Variants in STK3 observed in about 807,000 individuals in gnomAD.
The protein encoded by STK3 is serine/threonine kinase 3.
STK3 carries 41 observed loss-of-function variants against 58.0 expected under a neutral mutation model. That is an observed-to-expected ratio of 0.71 (90% CI 0.55 to 0.92). The LOEUF (loss-of-function observed/expected upper bound fraction) is 0.92. Ranked by LOEUF, STK3 falls within the 40% of genes least tolerant of loss-of-function variation. The pLI, the probability that STK3 is intolerant of heterozygous loss-of-function variation, is 0.00. For synonymous variants in STK3, 170 were observed against 191.0 expected (o/e 0.89, Z 0.91); for missense variants, 479 against 602.7 (o/e 0.79, Z 2.15).
chr8:98,398,884 C>G (rs887189447), downstream of STK3, among the ~76,000 whole-genome samples: 11 of 152,192 alleles, frequency 7.2e-5, no homozygotes, highest in Non-Finnish European at 1.0e-4. Flanking sequence ...AGCGTTAAAT[C>G]CCGTGAGTTC....
chr8:98,713,695 G>C (rs185775421), intron 4 of STK3, among the ~76,000 whole-genome samples: 1 of 152,116 alleles, frequency 6.6e-6, no homozygotes, highest in Non-Finnish European at 1.5e-5. Context: ...TTCTACCAGA[G>C]GTACAAGGAG....
chr8:98,368,687 C>A (rs1385374031), downstream of STK3, among the ~76,000 whole-genome samples: 1 of 152,186 alleles, frequency 6.6e-6, no homozygotes, highest in Non-Finnish European at 1.5e-5. Context: ...AATGTAACAG[C>A]AAAGGAACTC....
At chr8:98,597,229 C>A (rs1815904672) in intron 6 of STK3, 1 of 952,986 alleles carries the variant, frequency 1.0e-6, no homozygotes, top group Non-Finnish European at 1.2e-6. Flanking sequence ...TAATATAATG[C>A]ATTATCATTG....
At chr8:98,516,388 TA>T (rs1462056394) in intron 10 of STK3, among the ~76,000 whole-genome samples, 5 of 152,096 alleles carry the variant, frequency 3.3e-5, no homozygotes, top group African/African-American at 1.2e-4. Context: ...GAGCTGCTAC[TA>T]AATGATGACT....
chr8:98,795,733 T>C (rs952185770), intron 1 of STK3, among the ~76,000 whole-genome samples: 2 of 152,080 alleles, frequency 1.3e-5, no homozygotes, highest in Non-Finnish European at 2.9e-5. Context: ...AGCATTTCTA[T>C]ACACCAGTAA....
downstream of STK3, among the ~76,000 whole-genome samples, chr8:98,366,819 C>T (rs537993051): frequency 2.0e-5 from 3 of 152,292 alleles, no homozygotes; most frequent in Non-Finnish European, 2.9e-5. Flanking sequence ...GCCCCACACA[C>T]GTCTACTAGA....
chr8:98,676,239 C>T (rs1046720463), intron 6 of STK3, among the ~76,000 whole-genome samples: 5 of 152,142 alleles, frequency 3.3e-5, no homozygotes, highest in Admixed American at 2.0e-4. Context: ...TTTTAACAGG[C>T]ATGGAGTTTC....
chr8:98,459,480 C>G (rs75807055), intron 10 of STK3, among the ~76,000 whole-genome samples: 3,654 of 152,272 alleles, frequency 0.024, 137 homozygotes, highest in African/African-American at 0.082. Flanking sequence ...AAAGAAAAAC[C>G]TGTTTTCTGG....
intron 4 of STK3, among the ~76,000 whole-genome samples, chr8:98,724,576 T>C (rs1827668024): frequency 6.6e-6 from 1 of 152,126 alleles, no homozygotes; most frequent in Non-Finnish European, 1.5e-5. Context: ...TATCTGAACT[T>C]TTAGGAAGAA....
intron 4 of STK3, among the ~76,000 whole-genome samples, chr8:98,715,764 C>T (rs1313608951): frequency 6.6e-6 from 1 of 152,164 alleles, no homozygotes; most frequent in Non-Finnish European, 1.5e-5. Flanking sequence ...CCATTTGACC[C>T]AGCCATCCCA....
intron 4 of STK3, among the ~76,000 whole-genome samples, chr8:98,739,002 CTG>C (rs1177193489): frequency 6.6e-6 from 1 of 152,244 alleles, no homozygotes; most frequent in East Asian, 1.9e-4. Flanking sequence ...GCACAGCAGT[CTG>C]AGATCAAACT....
At chr8:98,773,925 T>C (rs1831494948) in intron 2 of STK3, among the ~76,000 whole-genome samples, 1 of 152,122 alleles carries the variant, frequency 6.6e-6, no homozygotes, top group East Asian at 1.9e-4. Context: ...GCTTCCCGAA[T>C]AGCTGGGATT....
rs534390089 is a variant in STK3, at chr8:98,865,219, G to C, written c.110+18428C>G. ...CAGACAGGGCAACATAGTAAGACCT[G>C]TCTCTACAAAAACTTTCTTAACAAT... On this transcript the variant is annotated intron_variant, in intron 3 of 12. Transcript: ENST00000523601. 3.3e-5 allele frequency among the ~76,000 whole-genome samples: 5 copies of C among 152,292 alleles called. No individual in the cohort carries two copies. The East Asian group carries it at 9.6e-4, about 29-fold the overall frequency.
intron 2 of STK3, among the ~76,000 whole-genome samples, chr8:98,434,505 T>G (rs1171057082): frequency 6.6e-6 from 1 of 152,244 alleles, no homozygotes; most frequent in Non-Finnish European, 1.5e-5. Flanking sequence ...CTTACATGGC[T>G]GTTACATCCG....
rs1182119878 is a variant in STK3, at chr8:98,616,871, T to C, written c.685-20702A>G. Among the ~76,000 whole-genome samples the C allele has an allele frequency of 6.5e-3, 990 of 151,456 alleles. 6 individuals are homozygous for C. Among genetic ancestry groups the C allele is most frequent in the African/African-American group, 0.023 (930 of 41,276 alleles). ...CCCACACATTAATAATGGGAGACTT[T>C]AACACCCCACTGTCAACATTAGACA... On this transcript the variant is annotated intron_variant, in intron 6 of 10. Coordinates refer to ENST00000419617, the MANE Select transcript of STK3 (RefSeq NM_006281.4).
chr8:98,670,471 TA>T (rs1406572077), intron 6 of STK3, among the ~76,000 whole-genome samples: 1 of 152,208 alleles, frequency 6.6e-6, no homozygotes, highest in Non-Finnish European at 1.5e-5. Context: ...ATAACATCTT[TA>T]GGCTCAAATG....
At chr8:98,394,622 T>C (rs532965213) in intron 3 of STK3, among the ~76,000 whole-genome samples, 4 of 152,386 alleles carry the variant, frequency 2.6e-5, no homozygotes, top group African/African-American at 9.6e-5. Context: ...GTGTTTACTT[T>C]ATTCATCCTC....
At chr8:98,711,339 G>A (rs1826416283) in intron 4 of STK3, among the ~76,000 whole-genome samples, 1 of 152,122 alleles carries the variant, frequency 6.6e-6, no homozygotes, top group African/African-American at 2.4e-5. Context: ...ACTACTCCGA[G>A]CTAAAGGAGA....
chr8:98,566,201 T>A (rs977328091), intron 8 of STK3, among the ~76,000 whole-genome samples: 11 of 152,132 alleles, frequency 7.2e-5, no homozygotes, highest in Non-Finnish European at 1.3e-4. Flanking sequence ...ATAAAAAATA[T>A]TTTAAAAGAT....
Sources: allele counts gnomAD v4.1 joint callset (sites outside exome capture counted in the v4.1 genomes callset), GRCh38; gene constraint gnomAD v4.1.1; transcripts MANE v1.5; gene names NCBI Gene and HGNC (gene_info 2026-07-23, HGNC 2026-07-21).